AK9: variants seen among roughly 807,000 people sequenced by gnomAD.
AK9 encodes adenylate kinase domain containing 1.
A neutral mutation model predicts 239.6 loss-of-function variants in AK9; 191 were observed. The observed-to-expected ratio is 0.80, with a 90% CI of 0.71 to 0.90. AK9 has a LOEUF of 0.90. Among genes scored for constraint, AK9 ranks in the 40% least tolerant of loss-of-function variants. The probability of loss-of-function intolerance (pLI) is 0.00; values close to 1 mark genes in which losing one functional copy is unlikely to be tolerated. For missense variants in AK9, 1,995 were observed against 2,214.7 expected (o/e 0.90, Z 1.99); for synonymous variants, 689 against 721.0 (o/e 0.96, Z 0.71).
intron 25 of AK9, among the ~76,000 whole-genome samples, chr6:109,546,610 C>A (rs969158692): frequency 6.6e-6 from 1 of 152,206 alleles, no homozygotes; most frequent in Non-Finnish European, 1.5e-5. Flanking sequence ...AATGAAGCAG[C>A]AGCTAAGTCT....
rs748772685 is a variant in AK9, at chr6:109,577,888, T to TTC, written c.2191+1660_2191+1661dup. 3.3e-3 allele frequency among the ~76,000 whole-genome samples: 338 copies of TTC among 101,406 alleles called. 3 individuals carry two copies. The highest frequency in any genetic ancestry group is 0.011 in the African/African-American group (329 of 29,130). The allele number at this position is 101,406 out of a possible 152,430, so 66.5% of individuals were successfully genotyped here. A position where few individuals can be genotyped will look rare whatever the true frequency, so the allele number is the denominator to read the frequency against. On this transcript the variant is annotated intron_variant, in intron 20 of 40. Transcript: ENST00000424296. ...TCTTTCTTTTTCTTTCCTTCTTTCCTTCTCTCTCTCTTTCTCTCTTTCTTT... is the reference window on the plus strand; with the variant it reads ...TCTTTCTTTTTCTTTCCTTCTTTCCTTCTCTCTCTCTCTTTCTCTCTTTCTTT...
At chr6:109,614,624 T>C (rs564071864) in intron 13 of AK9, 144 bp from the exon 14 acceptor site, 1 of 656,442 alleles carries the variant, frequency 1.5e-6, no homozygotes, top group South Asian at 1.9e-5. Context: ...GTGACTTTGG[T>C]AAATCACTTG....
chr6:109,643,713 C>G (rs149605275), intron 9 of AK9, among the ~76,000 whole-genome samples: 2 of 152,264 alleles, frequency 1.3e-5, no homozygotes, highest in East Asian at 3.9e-4. Context: ...CTTCTTATTT[C>G]TAGTCTTGGC....
chr6:109,515,754 C>T (rs528094235), intron 31 of AK9, 103 bp downstream of exon 31: 1 of 1,070,368 alleles, frequency 9.3e-7, no homozygotes, highest in African/African-American at 1.6e-5. Context: ...CTACACAATA[C>T]TTACAATTTT....
chr6:109,571,342 G>A (rs1787389872), intron 21 of AK9, among the ~76,000 whole-genome samples: 1 of 152,146 alleles, frequency 6.6e-6, no homozygotes, highest in African/African-American at 2.4e-5. Context: ...TTTCCAAAAT[G>A]CTATCTGAAG....
rs142420835 is a variant in AK9 at position 109,545,901 on chromosome 6, T to C, written c.3191A>G (p.Asn1064Ser). The C allele has an allele frequency of 5.6e-6, 9 of 1,604,698 alleles. No homozygotes were observed. The highest frequency in any genetic ancestry group is 5.2e-5 in the Admixed American group (3 of 57,620). Residue 1064 changes from asparagine (N) to serine (S), a missense_variant, in exon 26 of 41, where the codon AAT (asparagine) becomes AGT (serine). Around this residue, in one of 5 missense-constraint regions of AK9, gnomAD observed 1,290 missense variants for 1,392.7 expected, o/e 0.93. Transcript: ENST00000424296. ...TGTATTTTCTTCCTCAACTTTGACA[T>C]TGGCCTGAATTGCAAGCTCTTCAAG... ...QELEELAIQA[N>S]VKVEEENTKK...
chr6:109,496,516 G>A (rs1238843679), intron 38 of AK9, among the ~76,000 whole-genome samples: 2 of 152,098 alleles, frequency 1.3e-5, no homozygotes, highest in African/African-American at 4.8e-5. Flanking sequence ...AATCTCAAAC[G>A]CTTTTCAGCC....
intron 13 of AK9, among the ~76,000 whole-genome samples, chr6:109,618,729 T>A (rs1215433238): frequency 6.6e-6 from 1 of 152,172 alleles, no homozygotes; most frequent in East Asian, 1.9e-4. Context: ...AGGACTGCCA[T>A]ATAAGTCTAA....
chr6:109,638,846 C>T (rs1182232277), intron 10 of AK9, among the ~76,000 whole-genome samples: 1 of 152,150 alleles, frequency 6.6e-6, no homozygotes, highest in East Asian at 1.9e-4. Flanking sequence ...GTTCCCCGCC[C>T]TGTGTCCAAA....
rs774634914 is a variant in AK9 at position 109,619,167 on chromosome 6, T to A, written c.1324A>T (p.Ile442Leu). The A allele has an allele frequency of 6.5e-7, 1 of 1,550,318 alleles. No homozygotes were observed. The change falls in exon 13 of 41, where the codon ATA (isoleucine) becomes TTA (leucine). Residue 442 changes from isoleucine (I) to leucine (L), a missense_variant. Physicochemically the swap from Ile to Leu is conservative, Grantham distance 5. This residue lies in a region of AK9 where 1,290 missense variants were observed against 1,392.7 expected (regional missense o/e 0.93). Transcript: ENST00000424296. ...KARETLVENTIAEATAAAIKV... is the reference protein window; with the variant it reads ...KARETLVENTLAEATAAAIKV... ...ATTGCTGCTGCAGTGGCCTCAGCTATGGTATTTTCTACTAATGTTTCACGG... is the reference window on the plus strand; with the variant it reads ...ATTGCTGCTGCAGTGGCCTCAGCTAAGGTATTTTCTACTAATGTTTCACGG...
chr6:109,508,744 AT>A (rs1778371844), intron 33 of AK9, among the ~76,000 whole-genome samples: 1 of 152,148 alleles, frequency 6.6e-6, no homozygotes, highest in African/African-American at 2.4e-5. Flanking sequence ...TCTTGTCCAA[AT>A]GTGGTGTTAA....
chr6:109,585,997 C>T lies in AK9; in HGVS notation c.1918G>A (p.Val640Ile). The T allele has an allele frequency of 6.4e-7, 1 of 1,551,480 alleles. No homozygotes were observed. The highest frequency in any genetic ancestry group is 8.7e-7 in the Non-Finnish European group (1 of 1,146,882). Residue 640 changes from valine to isoleucine, a missense_variant, in exon 18 of 41, where the codon GTA (valine) becomes ATA (isoleucine). Val to Ile is a conservative substitution (Grantham distance 29). This residue lies in a region of AK9 where 1,290 missense variants were observed against 1,392.7 expected (regional missense o/e 0.93). Coordinates refer to ENST00000424296, the MANE Select transcript of AK9 (RefSeq NM_001145128.3). ...ATTAAGGCCATCCACAATTCTTTTA[C>T]AATAGGGCAGTTGTCCACAATCCAG... ...GGWIVDNCPI[V>I]KELWMALIKK...
Position 109,590,752 on chromosome 6 carries a change from A to C in AK9, c.1843-4680T>G, listed in dbSNP as rs1234192472. ...TTCATCTGTTTCAAAACTTTAAAAA[A>C]TTTCCACCTTAATTTCATCATTGAT... On this transcript the variant is annotated intron_variant, in intron 17 of 40. Coordinates refer to ENST00000424296, the MANE Select transcript of AK9 (RefSeq NM_001145128.3). 2.6e-5 allele frequency among the ~76,000 whole-genome samples: 4 copies of C among 152,178 alleles called. No individual in the cohort carries two copies. In the East Asian group the frequency reaches 7.7e-4, roughly 29 times the overall value.
rs529451209 is a variant in AK9, at chr6:109,541,929, C to A, written c.3350+118G>T. On this transcript the variant is annotated intron_variant, in intron 27 of 40. Coordinates refer to ENST00000424296, the MANE Select transcript of AK9 (RefSeq NM_001145128.3). ...ATGTGTATCTCAAGTGAAAAATCAC[C>A]AGCTTACATGAATATAAAGGAGAAA... is the stretch of plus-strand genomic sequence containing the variant. 4.3e-5 allele frequency: 39 copies of A among 902,310 alleles called. 1 individual carries two copies. In the South Asian group the frequency reaches 7.3e-4, roughly 17 times the overall value. The allele number at this position is 902,310 out of a possible 1,614,324, so 55.9% of individuals were successfully genotyped here. A position where few individuals can be genotyped will look rare whatever the true frequency, so the allele number is the denominator to read the frequency against.
chr6:109,624,226 C>G (rs1401314933), intron 12 of AK9, among the ~76,000 whole-genome samples: 1 of 152,118 alleles, frequency 6.6e-6, no homozygotes, highest in Non-Finnish European at 1.5e-5. Flanking sequence ...ATTTTCTAGG[C>G]TTCCAGGCCT....
chr6:109,622,983 C>A (rs180951871), intron 12 of AK9, among the ~76,000 whole-genome samples: 6 of 152,136 alleles, frequency 3.9e-5, no homozygotes, highest in African/African-American at 7.2e-5. Flanking sequence ...TTTTAGTAAT[C>A]TTTTAACTGT....
At chr6:109,640,065 T>A (rs1797208184) in intron 10 of AK9, among the ~76,000 whole-genome samples, 1 of 152,208 alleles carries the variant, frequency 6.6e-6, no homozygotes, top group South Asian at 2.1e-4. Context: ...GTAGTATAGT[T>A]TGAAGTCAGG....
chr6:109,647,891 C>T (rs1798303695), intron 8 of AK9, among the ~76,000 whole-genome samples: 1 of 152,180 alleles, frequency 6.6e-6, no homozygotes, highest in Non-Finnish European at 1.5e-5. Context: ...CAAACTGTCT[C>T]TCAGACCACA....
At position 109,644,527 on chromosome 6, in the gene AK9, G is replaced by A. The variant is rs1264049205; in HGVS notation, c.834+87C>T. 5 of 1,114,960 alleles carry A rather than the reference G, an allele frequency of 4.5e-6. No individual in the cohort carries two copies. In the African/African-American group the frequency reaches 6.4e-5, roughly 14 times the overall value. 69.1% of individuals were successfully genotyped at this position (1,114,960 alleles called of 1,614,324 possible). A position where few individuals can be genotyped will look rare whatever the true frequency, so the allele number is the denominator to read the frequency against. ...ATAAATGGTGTTCAAATATAAATAT[G>A]CTTCTGTTTATTAAAAGAAGTACAA... is the stretch of plus-strand genomic sequence containing the variant. On this transcript the variant is annotated intron_variant, in intron 9 of 40. Coordinates refer to ENST00000424296, the MANE Select transcript of AK9 (RefSeq NM_001145128.3).
Sources: gnomAD v4.1 joint callset for allele counts (sites outside exome capture counted in the v4.1 genomes callset) on GRCh38, gnomAD v4.1.1 for gene constraint, gnomAD v4.1.1 regional missense constraint, MANE v1.5 for transcripts, NCBI Gene and HGNC (gene_info 2026-07-23, HGNC 2026-07-21) for gene names.